TTLL5: variants seen among roughly 807,000 people sequenced by gnomAD.
The protein encoded by TTLL5 is tubulin tyrosine ligase like 5.
A neutral mutation model predicts 168.4 loss-of-function variants in TTLL5; 132 were observed. The ratio of observed to expected loss-of-function variants is 0.78; its 90% CI spans 0.68 to 0.91. The LOEUF (loss-of-function observed/expected upper bound fraction) is 0.91. Among genes scored for constraint, TTLL5 ranks in the 40% least tolerant of loss-of-function variants. The pLI is 0.00. For missense variants in TTLL5, 1,545 were observed against 1,581.5 expected, an observed-to-expected ratio of 0.98 and a Z score of 0.39; for synonymous variants, 546 against 558.6, an observed-to-expected ratio of 0.98 and a Z score of 0.32.
chr14:75,904,955 C>T (rs1483155853), intron 31 of TTLL5, among the ~76,000 whole-genome samples: 1 of 152,148 alleles, frequency 6.6e-6, no homozygotes, highest in Non-Finnish European at 1.5e-5. Context: ...ATTTGTACAA[C>T]TAGTAAGTAA....
rs2288143 is a variant in TTLL5 at position 75,775,579 on chromosome 14, C to T, written c.2232C>T (p.Arg744=). Residue 744 remains arginine (R), a synonymous_variant, in exon 22 of 32, where the codon CGC becomes CGT. Coordinates refer to ENST00000298832, the MANE Select transcript of TTLL5 (RefSeq NM_015072.5). ...GTCGACGATTGGCACTTCTGGAACGCAGAAGAATCCTGGCCCACCAGCTGG... is the reference window on the plus strand; with the variant it reads ...GTCGACGATTGGCACTTCTGGAACGTAGAAGAATCCTGGCCCACCAGCTGG... The part of the protein sequence containing the change: ...LPSRRLALLE[R]RRILAHQLGD... 4.1e-3 allele frequency: 6,605 copies of T among 1,614,080 alleles called. 114 individuals carry two copies. The African/African-American group carries it at 0.043, about 10-fold the overall frequency.
At chr14:75,690,142 A>G in intron 5 of TTLL5, 50 bp from the exon 6 acceptor site, 1 of 1,608,424 alleles carries the variant, frequency 6.2e-7, no homozygotes, top group Non-Finnish European at 8.5e-7. Context: ...TAACACAGGA[A>G]AATTCTGAGT....
intron 10 of TTLL5, among the ~76,000 whole-genome samples, chr14:75,719,514 T>A (rs1594921755): frequency 6.6e-6 from 1 of 152,092 alleles, no homozygotes; most frequent in Admixed American, 6.6e-5. Flanking sequence ...TTCCCCACCC[T>A]CTTGAAAAAG....
chr14:75,813,273 TG>T (rs2140397366), intron 27 of TTLL5, among the ~76,000 whole-genome samples: 2 of 1,104 alleles, frequency 1.8e-3, no homozygotes, highest in South Asian at 0.056. Flanking sequence ...TGTGTGTTTG[TG>T]TGTGTGTGTG....
intron 27 of TTLL5, among the ~76,000 whole-genome samples, chr14:75,813,270 T>G (rs7493092): frequency 7.6e-5 from 10 of 130,726 alleles, no homozygotes; most frequent in Middle Eastern, 3.8e-3. Flanking sequence ...GTGTGTGTGT[T>G]TGTGTGTGTG....
At chr14:75,727,228 A>T (rs1392642580) in intron 12 of TTLL5, among the ~76,000 whole-genome samples, 1 of 152,224 alleles carries the variant, frequency 6.6e-6, no homozygotes, top group Non-Finnish European at 1.5e-5. Flanking sequence ...TTATACGAAT[A>T]TCTGTATACA....
intron 31 of TTLL5, among the ~76,000 whole-genome samples, chr14:75,934,658 A>C (rs1254426273): frequency 6.6e-6 from 1 of 152,238 alleles, no homozygotes; most frequent in Non-Finnish European, 1.5e-5. Context: ...GATAAAGTTT[A>C]TCATTAGTAA....
At chr14:75,833,590 C>G (rs1183994206) in intron 28 of TTLL5, among the ~76,000 whole-genome samples, 1 of 152,138 alleles carries the variant, frequency 6.6e-6, no homozygotes, top group Non-Finnish European at 1.5e-5. Flanking sequence ...GAATAAATGC[C>G]TACTTCCTAG....
chr14:75,707,125 A>G lies in TTLL5; in HGVS notation c.655+38A>G, dbSNP rs766003165. 4 of 1,540,988 alleles carry G rather than the reference A, an allele frequency of 2.6e-6. No homozygotes were observed. The Admixed American group carries it at 6.7e-5, about 26-fold the overall frequency. On this transcript the variant is annotated intron_variant, in intron 8 of 31. Coordinates refer to ENST00000298832, the MANE Select transcript of TTLL5 (RefSeq NM_015072.5). ...TAGGCCCTTGACCAAATTGGGCCAGATTTTTGCTCAACTTTTTAAGCTTTT... is the reference window on the plus strand; with the variant it reads ...TAGGCCCTTGACCAAATTGGGCCAGGTTTTTGCTCAACTTTTTAAGCTTTT...
chr14:75,941,233 CA>C (rs2034593126), intron 31 of TTLL5, among the ~76,000 whole-genome samples: 2 of 152,216 alleles, frequency 1.3e-5, no homozygotes, highest in South Asian at 4.1e-4. Context: ...GCCTTTGTGA[CA>C]ACCCAGGCAA....
intron 17 of TTLL5, among the ~76,000 whole-genome samples, chr14:75,747,824 A>T (rs991391796): frequency 6.6e-6 from 1 of 152,160 alleles, no homozygotes; most frequent in Admixed American, 6.5e-5. Flanking sequence ...TGATAGTTGC[A>T]CTTTGCTCAG....
chr14:75,893,196 T>C (rs1388899045), intron 30 of TTLL5, among the ~76,000 whole-genome samples: 5 of 152,118 alleles, frequency 3.3e-5, no homozygotes, highest in Non-Finnish European at 5.9e-5. Context: ...AAAAAAGACC[T>C]AAAGGATAAT....
chr14:75,878,261 T>C (rs2031605805), intron 29 of TTLL5, among the ~76,000 whole-genome samples: 1 of 152,228 alleles, frequency 6.6e-6, no homozygotes, highest in African/African-American at 2.4e-5. Context: ...AATAGTTTAA[T>C]TAAGTTAAAA....
rs778784486 is a variant in TTLL5 at position 75,776,828 on chromosome 14, C to G, written c.2365C>G (p.Gln789Glu). ...EEDGVNMENFQEFIRQASEAE... is the reference protein window; with the variant it reads ...EEDGVNMENFEEFIRQASEAE... Reference sequence around the variant, plus strand: ...AGATGGGGTGAATATGGAAAACTTTCAGGAGTTCATCAGACAAGCAAGGTA... The same window carrying G: ...AGATGGGGTGAATATGGAAAACTTTGAGGAGTTCATCAGACAAGCAAGGTA... Residue 789 changes from glutamine to glutamate, a missense_variant, in exon 23 of 32, where the codon CAG becomes GAG. Transcript: ENST00000298832. The G allele has an allele frequency of 1.2e-6, 2 of 1,613,628 alleles. No homozygotes were observed. Among genetic ancestry groups the G allele is most frequent in the African/African-American group, 2.7e-5 (2 of 74,912 alleles).
intron 28 of TTLL5, 32 bp downstream of exon 28, chr14:75,820,193 G>T (rs774397196): frequency 1.9e-6 from 3 of 1,540,368 alleles, no homozygotes; most frequent in Middle Eastern, 1.8e-4. Context: ...TAGCATTTGG[G>T]TTACTCAGGG....
chr14:75,863,843 AGAGTC>A lies in TTLL5; in HGVS notation c.3507_3511del (p.Arg1170ProfsTer13). 1 of 1,516,376 alleles carries A rather than the reference AGAGTC, an allele frequency of 6.6e-7. No homozygotes were observed. The highest frequency in any genetic ancestry group is 8.9e-7 in the Non-Finnish European group (1 of 1,119,340). 93.9% of individuals were successfully genotyped at this position (1,516,376 alleles called of 1,614,324 possible). ...CTTCAGTCCCGGCAGCTCCTGGACCAGAGTCGAGCCCGGCACCAGGTAATTCAAGA... is the reference window on the plus strand; with the variant it reads ...CTTCAGTCCCGGCAGCTCCTGGACCAGAGCCCGGCACCAGGTAATTCAAGA... On this transcript the variant is annotated frameshift_variant, in exon 29 of 32. Transcript: ENST00000298832. LOFTEE classifies it high-confidence loss of function.
intron 27 of TTLL5, among the ~76,000 whole-genome samples, chr14:75,796,586 GA>G (rs1411998466): frequency 3.3e-5 from 5 of 152,086 alleles, no homozygotes; most frequent in Non-Finnish European, 7.4e-5. Context: ...CATCTATCTT[GA>G]GTTGATTTTT....
At chr14:75,920,161 AAGAC>A (rs2033775596) in intron 31 of TTLL5, among the ~76,000 whole-genome samples, 2 of 152,148 alleles carry the variant, frequency 1.3e-5, no homozygotes, top group Non-Finnish European at 1.5e-5. Flanking sequence ...TGAAATGTAA[AAGAC>A]AGCCCACAGA....
chr14:75,946,902 C>T (rs1012753581), intron 31 of TTLL5, among the ~76,000 whole-genome samples: 7 of 152,122 alleles, frequency 4.6e-5, no homozygotes, highest in East Asian at 3.9e-4. Flanking sequence ...GAGGGAACAG[C>T]GGGAGCTCAT....
Sources: allele counts gnomAD v4.1 joint callset (sites outside exome capture counted in the v4.1 genomes callset), GRCh38; gene constraint gnomAD v4.1.1; transcripts MANE v1.5; gene names NCBI Gene and HGNC (gene_info 2026-07-23, HGNC 2026-07-21).